The following FARSB variants were observed in gnomAD, a reference collection of about 807,000 sequenced individuals.
The protein encoded by FARSB is phenylalanyl-tRNA synthetase subunit beta.
In FARSB, 40 loss-of-function variants were observed where a neutral mutation model predicts 69.6. The observed-to-expected ratio is 0.57, with a 90% CI of 0.45 to 0.75. The LOEUF is 0.75. Ranked by LOEUF, FARSB falls within the 30% of genes least tolerant of loss-of-function variation. FARSB has a pLI of 0.00. For missense variants in FARSB, 632 were observed against 722.9 expected, an observed-to-expected ratio of 0.87 and a Z score of 1.44; for synonymous variants, 235 against 247.2, an observed-to-expected ratio of 0.95 and a Z score of 0.46.
At chr2:222,621,315 G>C (rs1480924153) in intron 13 of FARSB, among the ~76,000 whole-genome samples, 1 of 152,176 alleles carries the variant, frequency 6.6e-6, no homozygotes, top group African/African-American at 2.4e-5. Context: ...TTGAGACAGA[G>C]TCTCACCCTG....
intron 8 of FARSB, among the ~76,000 whole-genome samples, 196 bp from the exon 9 acceptor site, chr2:222,630,370 C>CTGACAGTTATAATCCA (rs1451798816): frequency 6.6e-6 from 1 of 152,188 alleles, no homozygotes; most frequent in Non-Finnish European, 1.5e-5. Context: ...ACGCAGTTCT[C>CTGACAGTTATAATCCA]TGACAGTTAT....
intron 3 of FARSB, among the ~76,000 whole-genome samples, chr2:222,642,252 C>T (rs1033200438): frequency 2.0e-5 from 3 of 152,228 alleles, no homozygotes; most frequent in Admixed American, 6.5e-5. Flanking sequence ...CCACCAGCCT[C>T]GGCCTCCCGA....
At position 222,613,930 on chromosome 2, in the gene FARSB, T is replaced by C; in HGVS notation, c.1345-2A>G. 6.2e-7 allele frequency: 1 copy of C among 1,600,784 alleles called. No homozygotes were observed. The highest frequency in any genetic ancestry group is 8.6e-7 in the Non-Finnish European group (1 of 1,168,022). ...AGGAAGAAGGGTAGTGCGTGCCACC[T>C]ACAGGAAAAGACATGAAATTGCACT... On this transcript the variant is annotated splice_acceptor_variant, in intron 14 of 16. Coordinates refer to ENST00000281828, the MANE Select transcript of FARSB (RefSeq NM_005687.5). LOFTEE classifies it high-confidence loss of function.
intron 15 of FARSB, among the ~76,000 whole-genome samples, chr2:222,605,290 G>A (rs1690676226): frequency 6.6e-6 from 1 of 151,850 alleles, no homozygotes; most frequent in Admixed American, 6.6e-5. Context: ...TTGCTTCTGG[G>A]TATTTTTGCC....
intron 10 of FARSB, among the ~76,000 whole-genome samples, chr2:222,625,800 G>C (rs192885739): frequency 3.9e-5 from 6 of 152,286 alleles, no homozygotes; most frequent in Admixed American, 3.3e-4. Context: ...CATTTGACAG[G>C]TAAGGAATTT....
At chr2:222,624,866 G>A (rs759995619) in intron 10 of FARSB, 91 bp from the exon 11 acceptor site, 12 of 724,258 alleles carry the variant, frequency 1.7e-5, no homozygotes, top group Admixed American at 8.9e-5. Flanking sequence ...GTTCTATTAC[G>A]TTCCCAAGAA....
At chr2:222,607,554 A>G (rs1475391633) in intron 15 of FARSB, among the ~76,000 whole-genome samples, 2 of 152,064 alleles carry the variant, frequency 1.3e-5, no homozygotes, top group African/African-American at 4.8e-5. Flanking sequence ...TCCATTATCT[A>G]TGGCTGTAAA....
intron 6 of FARSB, 75 bp downstream of exon 6, chr2:222,634,316 C>T: frequency 9.8e-7 from 1 of 1,020,752 alleles, no homozygotes; most frequent in Non-Finnish European, 1.4e-6. Context: ...TTACATTTCC[C>T]TAGTTGCAAG....
chr2:222,593,755 C>T (rs1315787158), intron 16 of FARSB, among the ~76,000 whole-genome samples: 5 of 151,716 alleles, frequency 3.3e-5, no homozygotes, highest in African/African-American at 1.2e-4. Context: ...CCTGTAGTCC[C>T]GGCTACACTG....
At chr2:222,629,235 A>G (rs1691355534) in intron 9 of FARSB, among the ~76,000 whole-genome samples, 1 of 152,188 alleles carries the variant, frequency 6.6e-6, no homozygotes, top group African/African-American at 2.4e-5. Context: ...AATCACTGAA[A>G]TGAAAATCAG....
At chr2:222,606,848 T>C (rs1052663239) in intron 15 of FARSB, among the ~76,000 whole-genome samples, 1 of 152,204 alleles carries the variant, frequency 6.6e-6, no homozygotes, top group Admixed American at 6.5e-5. Context: ...AGAGAAACTT[T>C]CCACTCCTAT....
At chr2:222,611,051 A>G (rs960310446) in intron 15 of FARSB, among the ~76,000 whole-genome samples, 59 of 152,206 alleles carry the variant, frequency 3.9e-4, no homozygotes, top group African/African-American at 1.3e-3. Flanking sequence ...TTGTTATGAA[A>G]CAAAATCCAG....
rs1235284307 is a variant in FARSB, at chr2:222,624,296, C to T, written c.1146G>A (p.Pro382=). 8.7e-6 allele frequency: 14 copies of T among 1,609,926 alleles called. No homozygotes were observed. In the Admixed American group the frequency reaches 1.3e-4, roughly 15 times the overall value. Reference sequence around the variant, plus strand: ...CTTGATTAGCTATGGTGTAAGTTTTCGGGAGAGTCATCTGAATGTTGTTAT... The same window carrying T: ...CTTGATTAGCTATGGTGTAAGTTTTTGGGAGAGTCATCTGAATGTTGTTAT... ...YGYNNIQMTL[P]KTYTIANQFP... Residue 382 remains proline, a synonymous_variant, in exon 12 of 17, where the codon CCG becomes CCA. Transcript: ENST00000281828.
intron 10 of FARSB, among the ~76,000 whole-genome samples, chr2:222,626,927 T>G (rs1255659708): frequency 1.3e-5 from 2 of 151,898 alleles, no homozygotes; most frequent in Non-Finnish European, 2.9e-5. Context: ...TCCCAGCTAC[T>G]CGGGAGGCTA....
At chr2:222,580,684 A>C (rs1334842771) in intron 16 of FARSB, among the ~76,000 whole-genome samples, 1 of 151,514 alleles carries the variant, frequency 6.6e-6, no homozygotes, top group East Asian at 1.9e-4. Flanking sequence ...TACTGCCTTT[A>C]AAAAAAAATT....
chr2:222,597,347 A>C (rs771082959), intron 16 of FARSB, among the ~76,000 whole-genome samples: 1 of 152,176 alleles, frequency 6.6e-6, no homozygotes, highest in Non-Finnish European at 1.5e-5. Flanking sequence ...ATGCTAAATC[A>C]AAAACCAAAA....
At chr2:222,623,142 G>A (rs983470335) in intron 13 of FARSB, among the ~76,000 whole-genome samples, 1 of 152,176 alleles carries the variant, frequency 6.6e-6, no homozygotes, top group African/African-American at 2.4e-5. Flanking sequence ...TCTGGTGGGG[G>A]AGGGAAATTT....
chr2:222,589,080 T>C lies in FARSB; in HGVS notation c.1618+10848A>G, dbSNP rs144403100. Among the ~76,000 whole-genome samples the C allele has an allele frequency of 1.8e-4, 28 of 152,302 alleles. No homozygotes were observed. The East Asian group carries it at 5.0e-3, about 27-fold the overall frequency. ...CAATCCTAAGCAAAAAGAACAAAGCTAGAGGCATCATGCTACCTCAAACTT... is the reference window on the plus strand; with the variant it reads ...CAATCCTAAGCAAAAAGAACAAAGCCAGAGGCATCATGCTACCTCAAACTT... On this transcript the variant is annotated intron_variant, in intron 16 of 16. Coordinates refer to ENST00000281828, the MANE Select transcript of FARSB (RefSeq NM_005687.5).
chr2:222,591,924 A>G (rs1456563192), intron 16 of FARSB, among the ~76,000 whole-genome samples: 3 of 152,226 alleles, frequency 2.0e-5, no homozygotes, highest in African/African-American at 7.2e-5. Flanking sequence ...TGTTCAAAAT[A>G]AAGGGTTATA....
Sources: gnomAD v4.1 joint callset for allele counts (sites outside exome capture counted in the v4.1 genomes callset) on GRCh38, gnomAD v4.1.1 for gene constraint, MANE v1.5 for transcripts, NCBI Gene and HGNC (gene_info 2026-07-23, HGNC 2026-07-21) for gene names.